Variants in DMRT1 observed in about 807,000 individuals in gnomAD.
DMRT1 encodes doublesex and mab-3 related transcription factor 1.
A neutral mutation model predicts 32.3 loss-of-function variants in DMRT1; 7 were observed. The observed-to-expected ratio is 0.22, with a 90% CI of 0.12 to 0.41. The LOEUF (loss-of-function observed/expected upper bound fraction) is 0.41, where lower values mean the gene tolerates loss of function less well. Ranked by LOEUF, DMRT1 falls within the 10% of genes least tolerant of loss-of-function variation. The pLI, the probability that DMRT1 is intolerant of heterozygous loss-of-function variation, is 1.00. For missense variants in DMRT1, 625 were observed against 500.5 expected, an observed-to-expected ratio of 1.25 and a Z score of -2.37; for synonymous variants, 278 against 206.1, an observed-to-expected ratio of 1.35 and a Z score of -2.99.
At position 935,426 on chromosome 9, in the gene DMRT1, A is replaced by T. The variant is rs116036422; in HGVS notation, c.967+18519A>T. The stretch of plus-strand genomic sequence containing the variant: ...AGTTGTTTTAATTTGACACACTCTT[A>T]GGTTGAGAGAGTGTAATTGCCGGAG... On this transcript the variant is annotated intron_variant, in intron 4 of 4. Transcript: ENST00000382276. 4.5e-3 allele frequency among the ~76,000 whole-genome samples: 687 copies of T among 152,324 alleles called. 2 individuals are homozygous for T. The highest frequency in any genetic ancestry group is 0.016 in the African/African-American group (648 of 41,574).
At chr9:864,273 C>T (rs897039365) in intron 2 of DMRT1, among the ~76,000 whole-genome samples, 6 of 149,330 alleles carry the variant, frequency 4.0e-5, no homozygotes, top group South Asian at 2.1e-4. Context: ...GGTGTGATCT[C>T]GGCTCACTGC....
At chr9:941,192 G>A (rs1041908433) in intron 4 of DMRT1, among the ~76,000 whole-genome samples, 1 of 152,138 alleles carries the variant, frequency 6.6e-6, no homozygotes, top group African/African-American at 2.4e-5. Context: ...CCCCAAAGAA[G>A]TGAAAGCAGG....
intron 2 of DMRT1, among the ~76,000 whole-genome samples, chr9:866,768 C>T (rs1051390294): frequency 6.6e-6 from 1 of 152,134 alleles, no homozygotes; most frequent in Non-Finnish European, 1.5e-5. Flanking sequence ...GAGCTGCTAC[C>T]TTGTAGAGTC....
chr9:924,755 T>C (rs1361120614), intron 4 of DMRT1, among the ~76,000 whole-genome samples: 1 of 152,232 alleles, frequency 6.6e-6, no homozygotes, highest in East Asian at 1.9e-4. Context: ...ACTTATGATA[T>C]GTTTGCCAAG....
At chr9:908,750 T>C (rs16925720) in intron 3 of DMRT1, among the ~76,000 whole-genome samples, 5,446 of 152,240 alleles carry the variant, frequency 0.036, 232 homozygotes, top group East Asian at 0.17. Context: ...ACTTAAAACA[T>C]CTTAAATGAA....
At chr9:941,172 T>C (rs1399849657) in intron 4 of DMRT1, among the ~76,000 whole-genome samples, 1 of 152,178 alleles carries the variant, frequency 6.6e-6, no homozygotes, top group East Asian at 1.9e-4. Context: ...ATTACACTTC[T>C]TGATATTTAC....
At chr9:849,512 G>A (rs539514318) in intron 2 of DMRT1, among the ~76,000 whole-genome samples, 1 of 152,336 alleles carries the variant, frequency 6.6e-6, no homozygotes, top group South Asian at 2.1e-4. Context: ...TGGAGCTTTA[G>A]AGAAGGACTT....
intron 2 of DMRT1, among the ~76,000 whole-genome samples, chr9:872,178 G>A (rs977602350): frequency 6.6e-6 from 1 of 150,684 alleles, no homozygotes; most frequent in Admixed American, 6.6e-5. Flanking sequence ...TCTCCTGCCT[G>A]AGCCTCCCGA....
intron 2 of DMRT1, among the ~76,000 whole-genome samples, chr9:871,719 C>T (rs1246760846): frequency 2.0e-5 from 3 of 150,942 alleles, no homozygotes; most frequent in African/African-American, 7.4e-5. Flanking sequence ...CGTGATTCGC[C>T]CGCCTCGGCC....
intron 4 of DMRT1, among the ~76,000 whole-genome samples, chr9:952,262 C>G (rs562933152): frequency 6.6e-5 from 10 of 152,336 alleles, no homozygotes; most frequent in South Asian, 6.2e-4. Context: ...ATTAGCGCCA[C>G]AGTGCCTTTT....
chr9:902,149 A>C (rs1586592251), intron 3 of DMRT1, among the ~76,000 whole-genome samples: 1 of 150,888 alleles, frequency 6.6e-6, no homozygotes, highest in African/African-American at 2.4e-5. Context: ...ACCTCAGGTG[A>C]TCCGCCCCCC....
At chr9:861,191 G>T (rs1225201501) in intron 2 of DMRT1, among the ~76,000 whole-genome samples, 1 of 151,894 alleles carries the variant, frequency 6.6e-6, no homozygotes, top group African/African-American at 2.4e-5. Context: ...GGTTTTCCTA[G>T]GCAGAGGGCC....
At chr9:847,407 G>C (rs902921219) in intron 2 of DMRT1, among the ~76,000 whole-genome samples, 2 of 152,202 alleles carry the variant, frequency 1.3e-5, no homozygotes, top group Non-Finnish European at 2.9e-5. Context: ...AGAGAGGTGA[G>C]ATTGTTCAGA....
intron 2 of DMRT1, among the ~76,000 whole-genome samples, chr9:857,247 C>T (rs1011575042): frequency 2.0e-5 from 3 of 152,052 alleles, no homozygotes; most frequent in African/African-American, 4.8e-5. Flanking sequence ...GTGGAGGTTG[C>T]AGGGAGCTGA....
intron 4 of DMRT1, among the ~76,000 whole-genome samples, chr9:923,856 A>G (rs1267364361): frequency 6.6e-6 from 1 of 150,988 alleles, no homozygotes; most frequent in East Asian, 1.9e-4. Flanking sequence ...GAAACGACTT[A>G]TTATTTGCTA....
chr9:953,892 C>G (rs1457134092), intron 4 of DMRT1, among the ~76,000 whole-genome samples: 1 of 152,164 alleles, frequency 6.6e-6, no homozygotes, highest in African/African-American at 2.4e-5. Flanking sequence ...AAGATAGAAC[C>G]ATAACATGGT....
At chr9:861,595 TG>T (rs1328856544) in intron 2 of DMRT1, among the ~76,000 whole-genome samples, 1 of 109,856 alleles carries the variant, frequency 9.1e-6, no homozygotes, top group Non-Finnish European at 1.8e-5. Flanking sequence ...CCAGACGGGG[TG>T]GCGGCCGGGC....
At chr9:877,010 C>T (rs1343456414) in intron 2 of DMRT1, among the ~76,000 whole-genome samples, 2 of 152,086 alleles carry the variant, frequency 1.3e-5, no homozygotes, top group Non-Finnish European at 2.9e-5. Context: ...GTCCCACTTC[C>T]AGTTACATGT....
At chr9:912,718 C>G (rs1164066488) in intron 3 of DMRT1, among the ~76,000 whole-genome samples, 1 of 151,872 alleles carries the variant, frequency 6.6e-6, no homozygotes, top group Non-Finnish European at 1.5e-5. Context: ...TTGTTGGGAT[C>G]TCGTACTTCC....
Sources: allele counts gnomAD v4.1 joint callset (sites outside exome capture counted in the v4.1 genomes callset), GRCh38; gene constraint gnomAD v4.1.1; transcripts MANE v1.5; gene names NCBI Gene and HGNC (gene_info 2026-07-23, HGNC 2026-07-21).